The following PHAX variants were observed in gnomAD, a reference collection of about 807,000 sequenced individuals.
PHAX encodes phosphorylated adapter RNA export protein.
A neutral mutation model predicts 41.6 loss-of-function variants in PHAX; 31 were observed. The observed-to-expected ratio is 0.75, with a 90% CI of 0.56 to 1.01. The LOEUF is 1.01. Ranked by LOEUF, PHAX falls within the 50% of genes least tolerant of loss-of-function variation. The probability of loss-of-function intolerance (pLI) is 0.00; values close to 1 mark genes in which losing one functional copy is unlikely to be tolerated. For synonymous variants in PHAX, 175 were observed against 164.9 expected (o/e 1.06, Z -0.47); for missense variants, 453 against 472.9 (o/e 0.96, Z 0.39).
intron 3 of PHAX, among the ~76,000 whole-genome samples, chr5:126,614,683 A>T (rs887265860): frequency 2.0e-5 from 3 of 152,070 alleles, no homozygotes; most frequent in Non-Finnish European, 4.4e-5. Context: ...TCACAATAAA[A>T]AATCAGTAAA....
chr5:126,601,940 T>G (rs1322286934), intron 1 of PHAX, among the ~76,000 whole-genome samples: 2 of 152,198 alleles, frequency 1.3e-5, no homozygotes, highest in Admixed American at 6.5e-5. Flanking sequence ...GTGCTGAGAT[T>G]ACAGGTGTGA....
At chr5:126,618,217 G>C (rs185185796) in intron 4 of PHAX, among the ~76,000 whole-genome samples, 159 of 152,266 alleles carry the variant, frequency 1.0e-3, no homozygotes, top group African/African-American at 3.6e-3. Flanking sequence ...TGGGATTATA[G>C]GCATGAGCCA....
chr5:126,609,095 A>ATTTTTTTTTTTTTTTTTTTTTTTTTTT (rs761125079), intron 3 of PHAX, among the ~76,000 whole-genome samples: 1 of 101,236 alleles, frequency 9.9e-6, no homozygotes, highest in African/African-American at 4.8e-5. Context: ...TAGGGGTTGA[A>ATTTTTTTTTTTTTTTTTTTTTTTTTTT]TTTTTTTTTT....
chr5:126,604,430 ATTC>A (rs1259901298), intron 2 of PHAX, among the ~76,000 whole-genome samples: 1 of 151,594 alleles, frequency 6.6e-6, no homozygotes, highest in Non-Finnish European at 1.5e-5. Flanking sequence ...ACGCCCAGCT[ATTC>A]TTTGTATTTT....
chr5:126,613,018 G>T (rs1035760581), intron 3 of PHAX, among the ~76,000 whole-genome samples: 2 of 152,178 alleles, frequency 1.3e-5, no homozygotes, highest in African/African-American at 4.8e-5. Context: ...GAACATGGAA[G>T]GGTATGTATA....
rs758636231 is a variant in PHAX, at chr5:126,617,324, A to C, written c.906A>C (p.Glu302Asp). The C allele has an allele frequency of 3.8e-6, 6 of 1,598,998 alleles. No individual in the cohort carries two copies. The highest frequency in any genetic ancestry group is 5.1e-6 in the Non-Finnish European group (6 of 1,167,190). Residue 302 changes from glutamate to aspartate, a missense_variant, in exon 4 of 5, where the codon GAA becomes GAC. By Grantham distance (45) the Glu-to-Asp change is conservative. Transcript: ENST00000297540. ...LLKNTPSISE[E>D]QIKDIFYIEN... ...AAAACACTCCTAGTATCAGCGAGGA[A>C]CAAATTAAGGTAATGATAATGTCCT...
chr5:126,620,481 C>T lies in PHAX; in HGVS notation c.915+3148C>T, dbSNP rs199956351. ...CTTAATCTTCACCACATTGTATCAC[C>T]GTGAATGTTACAAATGGAGAATAAT... is the stretch of plus-strand genomic sequence containing the variant. On this transcript the variant is annotated intron_variant, in intron 4 of 4. Transcript: ENST00000297540. 2.8e-4 allele frequency among the ~76,000 whole-genome samples: 42 copies of T among 152,234 alleles called. No individual in the cohort carries two copies. The East Asian group carries it at 4.6e-3, about 17-fold the overall frequency.
intron 4 of PHAX, among the ~76,000 whole-genome samples, chr5:126,623,795 T>C (rs2112839549): frequency 6.6e-6 from 1 of 152,284 alleles, no homozygotes; most frequent in African/African-American, 2.4e-5. Flanking sequence ...TTGGGATTTG[T>C]ATTCTTTAAG....
chr5:126,613,843 G>T (rs980564594), intron 3 of PHAX, among the ~76,000 whole-genome samples: 1 of 149,824 alleles, frequency 6.7e-6, no homozygotes, highest in Non-Finnish European at 1.5e-5. Flanking sequence ...TGGCACAATC[G>T]CAGGTCACTG....
intron 4 of PHAX, among the ~76,000 whole-genome samples, chr5:126,620,514 A>G (rs1020803260): frequency 6.6e-6 from 1 of 152,146 alleles, no homozygotes; most frequent in East Asian, 1.9e-4. Flanking sequence ...AATCAAAATT[A>G]TATGCCTGAG....
intron 2 of PHAX, among the ~76,000 whole-genome samples, chr5:126,605,584 G>T (rs1300839656): frequency 6.6e-6 from 1 of 151,582 alleles, no homozygotes; most frequent in African/African-American, 2.4e-5. Context: ...TTTTAGTAGA[G>T]ATAGGGTTTC....
At chr5:126,601,239 C>T (rs993399568) in intron 1 of PHAX, among the ~76,000 whole-genome samples, 181 bp downstream of exon 1, 2 of 151,878 alleles carry the variant, frequency 1.3e-5, no homozygotes, top group African/African-American at 4.8e-5. Context: ...GGCGGGCTCA[C>T]GGAGCCCGGG....
chr5:126,624,617 AAAG>A lies in PHAX; in HGVS notation c.959_961del (p.Lys320_Ala321delinsThr), dbSNP rs1291031632. 1 of 1,603,322 alleles carries A rather than the reference AAAG, an allele frequency of 6.2e-7. No homozygotes were observed. The highest frequency in any genetic ancestry group is 8.5e-7 in the Non-Finnish European group (1 of 1,177,150). ...AAACCAAAAGGAATATGAAAATAAAAAAGCTGCTAGGAAGAGGAGAACACAAGT... is the reference window on the plus strand; with the variant it reads ...AAACCAAAAGGAATATGAAAATAAAACTGCTAGGAAGAGGAGAACACAAGT... On this transcript the variant is annotated inframe_deletion, in exon 5 of 5. Transcript: ENST00000297540.
At chr5:126,608,589 T>C (rs1581417674) in intron 3 of PHAX, 105 bp downstream of exon 3, 2 of 853,276 alleles carry the variant, frequency 2.3e-6, no homozygotes, top group East Asian at 5.2e-5. Flanking sequence ...TTATCATGCA[T>C]TCTTACAGTA....
At chr5:126,609,359 C>T (rs900128030) in intron 3 of PHAX, among the ~76,000 whole-genome samples, 1 of 151,986 alleles carries the variant, frequency 6.6e-6, no homozygotes, top group Non-Finnish European at 1.5e-5. Flanking sequence ...GCTCGGCCTC[C>T]CAAAGTGCTG....
chr5:126,608,651 T>G (rs535840867), intron 3 of PHAX, among the ~76,000 whole-genome samples, 167 bp downstream of exon 3: 38 of 152,154 alleles, frequency 2.5e-4, no homozygotes, highest in South Asian at 1.0e-3. Context: ...AAAAAAAAAT[T>G]AGTTGCCAGG....
chr5:126,605,100 C>T (rs1751969029), intron 2 of PHAX, among the ~76,000 whole-genome samples: 2 of 151,432 alleles, frequency 1.3e-5, no homozygotes, highest in Admixed American at 1.3e-4. Flanking sequence ...TGGGAACAAG[C>T]AGTCCTCCCA....
At chr5:126,607,274 A>G (rs926367566) in intron 2 of PHAX, among the ~76,000 whole-genome samples, 4 of 151,890 alleles carry the variant, frequency 2.6e-5, no homozygotes, top group Admixed American at 6.6e-5. Context: ...CATTTCACAG[A>G]TTAATATTAG....
chr5:126,609,850 C>T (rs1398351938), intron 3 of PHAX, among the ~76,000 whole-genome samples: 1 of 152,152 alleles, frequency 6.6e-6, no homozygotes, highest in Non-Finnish European at 1.5e-5. Context: ...AGCAATTCCC[C>T]TGCCTCAGCC....
Sources: allele counts gnomAD v4.1 joint callset (sites outside exome capture counted in the v4.1 genomes callset), GRCh38; gene constraint gnomAD v4.1.1; transcripts MANE v1.5; gene names NCBI Gene and HGNC (gene_info 2026-07-23, HGNC 2026-07-21).